Variants in PEX10 observed in about 807,000 individuals in gnomAD.
PEX10 encodes peroxisome biogenesis factor 10.
In PEX10, 32 loss-of-function variants were observed where a neutral mutation model predicts 38.0. The observed-to-expected ratio is 0.84, with a 90% confidence interval of 0.63 to 1.13. PEX10 has a LOEUF of 1.13. Ranked by LOEUF, PEX10 falls within the 50% of genes most tolerant of loss-of-function variation. The pLI, the probability that PEX10 is intolerant of heterozygous loss-of-function variation, is 0.00. For missense variants in PEX10, 483 were observed against 457.7 expected (o/e 1.06, Z -0.51); for synonymous variants, 206 against 207.3 (o/e 0.99, Z 0.05).
In PEX10 at chr1:2,405,726, C is replaced by T. The variant is rs776727990; in HGVS notation, c.*40G>A. On this transcript the variant is annotated 3_prime_UTR_variant, in exon 6 of 6. Transcript: ENST00000447513. ...GACTAAATCTTGGCGTTCAGACTCC[C>T]GTAGAGGTCATCTGTGTCCAGGCCC... is the stretch of plus-strand genomic sequence containing the variant. The T allele has an allele frequency of 2.1e-5, 32 of 1,538,496 alleles. No homozygotes were observed. The highest frequency in any genetic ancestry group is 1.6e-4 in the South Asian group (14 of 84,886).
intron 1 of PEX10, among the ~76,000 whole-genome samples, chr1:2,411,328 C>T (rs761303238): frequency 2.6e-5 from 4 of 151,266 alleles, no homozygotes; most frequent in East Asian, 1.9e-4. Flanking sequence ...CTCCGCCTCC[C>T]GGGTTCAAGT....
At chr1:2,412,576 G>A (rs1643286959), upstream of PEX10, 7 of 1,121,446 alleles carry the variant, frequency 6.2e-6, no homozygotes, top group Non-Finnish European at 8.0e-6. Flanking sequence ...ACTGATGACG[G>A]CACGACGTGG....
chr1:2,412,315 G>A (rs1643264043), intron 1 of PEX10, 76 bp downstream of exon 1: 3 of 1,287,114 alleles, frequency 2.3e-6, no homozygotes, highest in Non-Finnish European at 3.0e-6. Flanking sequence ...ACCACACACG[G>A]CAGACACCCC....
chr1:2,410,343 A>G lies in PEX10; in HGVS notation c.193+28T>C. ...AGACTTGGTGTGTGTGGCTGCCCTC[A>G]GTCCTGAGGTCCCGTGGGAGCTTCT... is the stretch of plus-strand genomic sequence containing the variant. On this transcript the variant is annotated intron_variant, in intron 2 of 5. Transcript: ENST00000447513. The surrounding 1 kb of genome is among the most constrained non-coding windows in gnomAD (Gnocchi z 5.1). 2 of 1,587,104 alleles carry G rather than the reference A, an allele frequency of 1.3e-6. No individual in the cohort carries two copies. The highest frequency in any genetic ancestry group is 1.7e-6 in the Non-Finnish European group (2 of 1,155,430).
rs377135853 is a variant in PEX10, at chr1:2,408,805, G to T, written c.247C>A (p.Arg83=). ...CGCAGCGAGGAGGGCACATGTATCC[G>T]CGATGGGTCCACCTGGATGATGCTG... is the stretch of plus-strand genomic sequence containing the variant. ...YVSIIQVDPS[R]IHVPSSLRRG... Residue 83 remains arginine (R), a synonymous_variant, in exon 3 of 6, where the codon CGG becomes AGG. Transcript: ENST00000447513. 6.2e-7 allele frequency: 1 copy of T among 1,614,034 alleles called. No individual in the cohort carries two copies. The highest frequency in any genetic ancestry group is 8.5e-7 in the Non-Finnish European group (1 of 1,179,922).
At chr1:2,412,624 G>T, upstream of PEX10, 1 of 774,736 alleles carries the variant, frequency 1.3e-6, no homozygotes, top group Non-Finnish European at 1.8e-6. Context: ...CAAGGTGCTG[G>T]GGCGGGGCCG....
chr1:2,408,928 C>T (rs1447550434), intron 2 of PEX10, 70 bp from the exon 3 acceptor site: 10 of 1,480,608 alleles, frequency 6.8e-6, no homozygotes, highest in Non-Finnish European at 5.6e-6. Flanking sequence ...GGCGCCCCTG[C>T]CAGCCGACCC....
chr1:2,406,868 C>G lies in PEX10; in HGVS notation c.628G>C (p.Asp210His), dbSNP rs1187669209. The change falls in exon 4 of 6, where the codon GAC becomes CAC. Residue 210 changes from aspartate (D) to histidine (H), a missense_variant. Transcript: ENST00000447513. ...YLRVRSLPGE[D>H]LRARVSYRLL... ...CTGTAGCTAACACGGGCCCTCAGGT[C>G]CTCTCCGGGCAGGCTGCGGACACGG... 1.2e-6 allele frequency: 2 copies of G among 1,609,232 alleles called. No individual in the cohort carries two copies. The highest frequency in any genetic ancestry group is 1.7e-6 in the Non-Finnish European group (2 of 1,178,180).
Position 2,408,627 on chromosome 1 carries a change from C to A in PEX10, c.425G>T (p.Arg142Leu). The A allele has an allele frequency of 6.2e-7, 1 of 1,610,686 alleles. No homozygotes were observed. The change falls in exon 3 of 6, where the codon CGG becomes CTG. Residue 142 changes from arginine to leucine, a missense_variant. By Grantham distance (102) the Arg-to-Leu change is moderately radical (BLOSUM62 -2). Coordinates refer to ENST00000447513, the MANE Select transcript of PEX10 (RefSeq NM_002617.4). Reference sequence around the variant, plus strand: ...GGCCGTGTGGTGACGCATCCAGCGCCGCGCCCCTGAGCAGCCACGCCCACC... The same window carrying A: ...GGCCGTGTGGTGACGCATCCAGCGCAGCGCCCCTGAGCAGCCACGCCCACC... ...GPGGRGCSGA[R>L]RWMRHHTATL...
In PEX10 at chr1:2,408,848, G is replaced by A; in HGVS notation, c.204C>T (p.Thr68=). The A allele has an allele frequency of 6.2e-7, 1 of 1,613,998 alleles. No homozygotes were observed. The highest frequency in any genetic ancestry group is 8.5e-7 in the Non-Finnish European group (1 of 1,179,904). The change falls in exon 3 of 6, where the codon ACC becomes ACT. Residue 68 remains threonine, a synonymous_variant. Transcript: ENST00000447513. The part of the protein sequence containing the change: ...FGLTTLAGYQ[T]LGEEYVSIIQ... ...TGATGCTGACGTACTCCTCCCCCAGGGTCTGGTAGCCTGCGAGGAAGAGGA... is the reference window on the plus strand; with the variant it reads ...TGATGCTGACGTACTCCTCCCCCAGAGTCTGGTAGCCTGCGAGGAAGAGGA...
upstream of PEX10, chr1:2,412,572 G>C: frequency 8.7e-7 from 1 of 1,151,290 alleles, no homozygotes; most frequent in African/African-American, 1.6e-5. Flanking sequence ...GAGAACTGAT[G>C]ACGGCACGAC....
chr1:2,411,815 G>A (rs1164002415), intron 1 of PEX10, among the ~76,000 whole-genome samples: 1 of 152,226 alleles, frequency 6.6e-6, no homozygotes, highest in Non-Finnish European at 1.5e-5. Flanking sequence ...TGGGATGACA[G>A]GTGCTGCTTC....
rs1222152213 is a variant in PEX10 at position 2,409,623 on chromosome 1, T to G, written c.193+748A>C. ...GTGGTCGGCCTCTCCCCTGCCCACG[T>G]CCCTGGAATGCCCCAAGCCTCGCAC... On this transcript the variant is annotated intron_variant, in intron 2 of 5. Coordinates refer to ENST00000447513, the MANE Select transcript of PEX10 (RefSeq NM_002617.4). This position sits in a 1 kb window ranked among gnomAD's most constrained non-coding sequence, Gnocchi z 6.2. 6.4e-6 allele frequency: 1 copy of G among 156,116 alleles called. No individual in the cohort carries two copies. Among genetic ancestry groups the G allele is most frequent in the Non-Finnish European group, 1.4e-5 (1 of 70,520 alleles). 9.7% of individuals were successfully genotyped at this position (156,116 alleles called of 1,614,324 possible).
rs1643274214 is a variant in PEX10, at chr1:2,412,463, C to T, written c.40G>A (p.Ala14Thr). 4.2e-6 allele frequency: 6 copies of T among 1,420,686 alleles called. No homozygotes were observed. The highest frequency in any genetic ancestry group is 5.5e-6 in the Non-Finnish European group (6 of 1,090,614). 88.0% of individuals were successfully genotyped at this position (1,420,686 alleles called of 1,614,324 possible). The change falls in exon 1 of 6, where the codon GCG becomes ACG. Residue 14 changes from alanine to threonine, a missense_variant. Coordinates refer to ENST00000447513, the MANE Select transcript of PEX10 (RefSeq NM_002617.4). ...CGGTAGTACTCGTCCTTCTGCGCCGCGCGGATCACCTCCGGGGGGCTGGCG... is the reference window on the plus strand; with the variant it reads ...CGGTAGTACTCGTCCTTCTGCGCCGTGCGGATCACCTCCGGGGGGCTGGCG... ...AAASPPEVIRAAQKDEYYRGG... is the reference protein window; with the variant it reads ...AAASPPEVIRTAQKDEYYRGG...
At chr1:2,411,393 C>T (rs557133818) in intron 1 of PEX10, among the ~76,000 whole-genome samples, 2 of 152,156 alleles carry the variant, frequency 1.3e-5, no homozygotes, top group South Asian at 4.2e-4. Flanking sequence ...CCACCACGCC[C>T]TGCTGATTTT....
At position 2,410,571 on chromosome 1, in the gene PEX10, A is replaced by G. The variant is rs1032613406; in HGVS notation, c.113-120T>C. On this transcript the variant is annotated intron_variant, in intron 1 of 5. Transcript: ENST00000447513. The surrounding 1 kb of genome is among the most constrained non-coding windows in gnomAD (Gnocchi z 5.1). ...CAGTCCCACCCCTTCCATGAAGCCA[A>G]CACTCACTCCCTGGCCTCCCTCTCT... 8 of 837,428 alleles carry G rather than the reference A, an allele frequency of 9.6e-6. No individual in the cohort carries two copies. Among genetic ancestry groups the G allele is most frequent in the African/African-American group, 3.4e-5 (2 of 59,562 alleles). The allele number at this position is 837,428 out of a possible 1,614,324, so 51.9% of individuals were successfully genotyped here. A position where few individuals can be genotyped will look rare whatever the true frequency, so the allele number is the denominator to read the frequency against.
At position 2,410,650 on chromosome 1, in the gene PEX10, G is replaced by T; in HGVS notation, c.113-199C>A. ...CTTGCCTTAGCGTGAGCTGCAGACA[G>T]TCTGCGAAGAATCTCCCACCTGTGC... On this transcript the variant is annotated intron_variant, in intron 1 of 5. Transcript: ENST00000447513. This position sits in a 1 kb window ranked among gnomAD's most constrained non-coding sequence, Gnocchi z 5.1. The T allele has an allele frequency of 3.1e-6, 2 of 636,010 alleles. No individual in the cohort carries two copies. Among genetic ancestry groups the T allele is most frequent in the Non-Finnish European group, 2.9e-6 (1 of 343,534 alleles). 39.4% of individuals were successfully genotyped at this position (636,010 alleles called of 1,614,324 possible).
At chr1:2,413,431 G>C (rs1295175257), upstream of PEX10, among the ~76,000 whole-genome samples, 1 of 152,370 alleles carries the variant, frequency 6.6e-6, no homozygotes, top group South Asian at 2.1e-4. Context: ...ACACCTGGAG[G>C]GGACAGAACC....
At chr1:2,407,083 TA>T (rs1301608144) in intron 3 of PEX10, 188 bp from the exon 4 acceptor site, 1 of 761,764 alleles carries the variant, frequency 1.3e-6, no homozygotes, top group Non-Finnish European at 2.3e-6. Flanking sequence ...GCCTGCTTCG[TA>T]GCCTAGCATG....
Sources: allele counts gnomAD v4.1 joint callset (sites outside exome capture counted in the v4.1 genomes callset), GRCh38; gene constraint gnomAD v4.1.1; non-coding constraint Gnocchi (gnomAD v3.1); transcripts MANE v1.5; gene names NCBI Gene and HGNC (gene_info 2026-07-23, HGNC 2026-07-21).